The following MFSD12 variants were observed in gnomAD, a reference collection of about 807,000 sequenced individuals.
The protein encoded by MFSD12 is major facilitator superfamily domain-containing protein 12.
In MFSD12, 67 loss-of-function variants were observed where a neutral mutation model predicts 51.2. The ratio of observed to expected loss-of-function variants is 1.31; its 90% CI spans 1.08 to 1.60. The LOEUF (loss-of-function observed/expected upper bound fraction) is 1.60, where lower values mean the gene tolerates loss of function less well. Among genes scored for constraint, MFSD12 ranks in the 40% most tolerant of loss-of-function variants. The pLI is 0.00. For synonymous variants in MFSD12, 441 were observed against 316.7 expected (o/e 1.39, Z -4.17); for missense variants, 921 against 673.0 (o/e 1.37, Z -4.08).
rs2031238052 is a variant in MFSD12 at position 3,548,198 on chromosome 19, GC to G, written c.578del (p.Gly193AlafsTer93). The G allele has an allele frequency of 6.4e-7, 1 of 1,571,700 alleles. No homozygotes were observed. Among genetic ancestry groups the G allele is most frequent in the Non-Finnish European group, 8.6e-7 (1 of 1,160,044 alleles). Reference protein sequence around the residue: ...GAAWLLLHLQGSSRVEPTQDI... With the variant: ...GAAWLLLHLQXSSRVEPTQDI... ...CTTGGGTGGGCTCCACCCGCGACGAGCCCTGCAGGTGCAGCAGGAGCCAGGC... is the reference window on the plus strand; with the variant it reads ...CTTGGGTGGGCTCCACCCGCGACGAGCCTGCAGGTGCAGCAGGAGCCAGGC... On this transcript the variant is annotated frameshift_variant, in exon 3 of 10. Transcript: ENST00000355415. LOFTEE classifies it high-confidence loss of function.
rs2031314998 is a variant in MFSD12, at chr19:3,549,282, TC to T, written c.510-1016del. ...GCCCCAGAGAGGCCTGCCCATCCCATCCCCTCCCCGTGGCAGCAGCAGCTGT... is the reference window on the plus strand; with the variant it reads ...GCCCCAGAGAGGCCTGCCCATCCCATCCCTCCCCGTGGCAGCAGCAGCTGT... On this transcript the variant is annotated intron_variant, in intron 2 of 9. Transcript: ENST00000355415. 2.6e-5 allele frequency among the ~76,000 whole-genome samples: 4 copies of T among 151,914 alleles called. No individual in the cohort carries two copies. The South Asian group carries it at 8.3e-4, about 31-fold the overall frequency.
intron 2 of MFSD12, 118 bp from the exon 3 acceptor site, chr19:3,548,385 C>A: frequency 7.5e-7 from 1 of 1,335,424 alleles, no homozygotes; most frequent in Admixed American, 2.6e-5. Flanking sequence ...TGATTCCAAC[C>A]ACTGCCACAC....
At chr19:3,542,348 G>A, downstream of MFSD12, 4 of 985,414 alleles carry the variant, frequency 4.1e-6, no homozygotes, top group Non-Finnish European at 4.8e-6. Flanking sequence ...GGCTTTCCGT[G>A]CAGGGCAGAT....
Position 3,547,308 on chromosome 19 carries a change from G to T in MFSD12, c.987C>A (p.Phe329Leu). 1 of 1,613,308 alleles carries T rather than the reference G, an allele frequency of 6.2e-7. No homozygotes were observed. The highest frequency in any genetic ancestry group is 8.5e-7 in the Non-Finnish European group (1 of 1,179,942). Residue 329 changes from phenylalanine (F) to leucine (L), a missense_variant, in exon 6 of 10, where the codon TTC becomes TTA. Transcript: ENST00000355415. ...VMYLSGFLSS[F>L]LMKPINKCIG... The stretch of plus-strand genomic sequence containing the variant: ...TGCACTTGTTGATGGGCTTCATGAG[G>T]AAGGAGGACAAGAAGCCGCTGAGGT...
chr19:3,543,525 G>GA, downstream of MFSD12: 1 of 1,510,118 alleles, frequency 6.6e-7, no homozygotes. Flanking sequence ...AGGGGGACAG[G>GA]AATGACCGCC....
At chr19:3,539,526 C>T (rs926828157), downstream of MFSD12, 7 of 493,330 alleles carry the variant, frequency 1.4e-5, no homozygotes, top group African/African-American at 9.5e-5. Flanking sequence ...GAGCTTCGGC[C>T]ACAGAAATGT....
downstream of MFSD12, chr19:3,539,361 C>T: frequency 1.4e-6 from 1 of 703,680 alleles, no homozygotes; most frequent in East Asian, 2.8e-5. Flanking sequence ...GCACGTGTCA[C>T]TCGTTATTCC....
intron 6 of MFSD12, 91 bp downstream of exon 6, chr19:3,547,181 G>A (rs2031131856): frequency 4.3e-6 from 5 of 1,157,506 alleles, no homozygotes; most frequent in Non-Finnish European, 6.5e-6. Flanking sequence ...AGGCCTGAGA[G>A]CATCCGAGGA....
downstream of MFSD12, chr19:3,539,448 T>C (rs2122064466): frequency 1.6e-5 from 9 of 579,136 alleles, no homozygotes; most frequent in South Asian, 1.7e-4. Context: ...CTGTGGGGGC[T>C]ACAGACCTGG....
chr19:3,556,553 G>T (rs2031731910), intron 1 of MFSD12, among the ~76,000 whole-genome samples: 1 of 151,034 alleles, frequency 6.6e-6, no homozygotes, highest in African/African-American at 2.4e-5. Flanking sequence ...GGGAGGCACT[G>T]CACAGTCAGA....
chr19:3,551,319 A>C lies in MFSD12; in HGVS notation c.299-125T>G. On this transcript the variant is annotated intron_variant, in intron 1 of 9. Coordinates refer to ENST00000355415, the MANE Select transcript of MFSD12 (RefSeq NM_174983.5). This position sits in a 1 kb window ranked among gnomAD's most constrained non-coding sequence, Gnocchi z 4.6. The stretch of plus-strand genomic sequence containing the variant: ...ATGGAGACGCCCCCCGCATGCACAC[A>C]GTCACGCAGGAGCGAGGGTCTGCAG... 1 of 739,068 alleles carries C rather than the reference A, an allele frequency of 1.4e-6. No individual in the cohort carries two copies. The highest frequency in any genetic ancestry group is 2.2e-6 in the Non-Finnish European group (1 of 464,184). 45.8% of individuals were successfully genotyped at this position (739,068 alleles called of 1,614,324 possible).
chr19:3,550,842 G>T, intron 2 of MFSD12, 142 bp downstream of exon 2: 1 of 693,004 alleles, frequency 1.4e-6, no homozygotes, highest in Non-Finnish European at 2.4e-6. Context: ...AACAGAGTGA[G>T]ACCCCCTTTC....
chr19:3,543,116 G>A (rs1282565051), downstream of MFSD12: 45 of 1,523,230 alleles, frequency 3.0e-5, no homozygotes, highest in Non-Finnish European at 3.2e-5. Flanking sequence ...AGTGGCGAGG[G>A]AGGGAGACCC....
In MFSD12 at chr19:3,557,421, GC is replaced by G. The variant is rs1420881431; in HGVS notation, c.-19del. The G allele has an allele frequency of 4.0e-5, 48 of 1,208,902 alleles. No homozygotes were observed. The highest frequency in any genetic ancestry group is 4.9e-5 in the Non-Finnish European group (47 of 968,578). 74.9% of individuals were successfully genotyped at this position (1,208,902 alleles called of 1,614,324 possible). ...GGGCCCATCGCGGCGCCGGGCCCGC[GC>G]CCCCCACCCCCGGGCTCCGCGGAGG... On this transcript the variant is annotated 5_prime_UTR_variant, in exon 1 of 10. Coordinates refer to ENST00000355415, the MANE Select transcript of MFSD12 (RefSeq NM_174983.5).
At chr19:3,549,312 TC>T (rs2031318515) in intron 2 of MFSD12, among the ~76,000 whole-genome samples, 1 of 152,172 alleles carries the variant, frequency 6.6e-6, no homozygotes, top group Non-Finnish European at 1.5e-5. Flanking sequence ...CAGCTGTAAG[TC>T]CACCATGGAT....
intron 1 of MFSD12, among the ~76,000 whole-genome samples, chr19:3,554,898 G>T (rs958045695): frequency 6.6e-6 from 1 of 152,142 alleles, no homozygotes; most frequent in Non-Finnish European, 1.5e-5. Flanking sequence ...CGGCTGCCTG[G>T]GCTTCTGCTC....
downstream of MFSD12, chr19:3,543,863 G>A (rs557002296): frequency 2.8e-4 from 440 of 1,548,764 alleles, no homozygotes; most frequent in Admixed American, 6.7e-4. Context: ...TGGAGCCACT[G>A]TGGAGGGCAT....
chr19:3,539,347 T>C, downstream of MFSD12: 1 of 629,114 alleles, frequency 1.6e-6, no homozygotes, highest in Non-Finnish European at 2.6e-6. Context: ...TGGTTTGGGG[T>C]CTTGCACGTG....
In MFSD12 at chr19:3,546,254, C is replaced by G; in HGVS notation, c.1194+1G>C. ...CACCCCAGCCTGGCTACCAGCCCTA[C>G]CGTGTGGGGACCGATGAGGTCGGCC... On this transcript the variant is annotated splice_donor_variant, in intron 7 of 9. Transcript: ENST00000355415. LOFTEE classifies it high-confidence loss of function. 1 of 1,610,294 alleles carries G rather than the reference C, an allele frequency of 6.2e-7. No individual in the cohort carries two copies. The highest frequency in any genetic ancestry group is 8.5e-7 in the Non-Finnish European group (1 of 1,178,630).
Sources: allele counts gnomAD v4.1 joint callset (sites outside exome capture counted in the v4.1 genomes callset), GRCh38; gene constraint gnomAD v4.1.1; non-coding constraint Gnocchi (gnomAD v3.1); transcripts MANE v1.5; gene names NCBI Gene and HGNC (gene_info 2026-07-23, HGNC 2026-07-21).